The following MBD5 variants were observed in gnomAD, a reference collection of about 807,000 sequenced individuals.
MBD5 encodes the protein methyl-CpG-binding domain protein 5.
Under a neutral mutation model 117.3 loss-of-function variants are expected in MBD5, and 13 were observed. That is an observed-to-expected ratio of 0.11 (90% CI 0.07 to 0.18). The LOEUF (loss-of-function observed/expected upper bound fraction) is 0.18, where lower values mean the gene tolerates loss of function less well. Ranked by LOEUF, MBD5 falls within the 10% of genes least tolerant of loss-of-function variation. The pLI, the probability that MBD5 is intolerant of heterozygous loss-of-function variation, is 1.00. For missense variants in MBD5, 1,879 were observed against 2,093.8 expected (o/e 0.90, Z 2.00); for synonymous variants, 727 against 766.4 (o/e 0.95, Z 0.85).
At chr2:148,356,205 C>G (rs1169467304) in intron 4 of MBD5, among the ~76,000 whole-genome samples, 4 of 152,082 alleles carry the variant, frequency 2.6e-5, no homozygotes, top group South Asian at 2.1e-4. Context: ...TTCCCTCTAC[C>G]TGCAACATAA....
Position 148,458,714 on chromosome 2 carries a change from A to G in MBD5, c.-45A>G. On this transcript the variant is annotated 5_prime_UTR_variant, in exon 5 of 14. Transcript: ENST00000642680. Reference sequence around the variant, plus strand: ...TCATGCTCTGTAATATAAGGATATCATCTTATTGCTGATATCTTTGGAGAG... The same window carrying G: ...TCATGCTCTGTAATATAAGGATATCGTCTTATTGCTGATATCTTTGGAGAG... 6.6e-7 allele frequency: 1 copy of G among 1,509,664 alleles called. No individual in the cohort carries two copies. Among genetic ancestry groups the G allele is most frequent in the African/African-American group, 1.4e-5 (1 of 72,980 alleles). 93.5% of individuals were successfully genotyped at this position (1,509,664 alleles called of 1,614,324 possible).
At chr2:148,124,238 C>A (rs1696835319) in intron 1 of MBD5, among the ~76,000 whole-genome samples, 1 of 152,132 alleles carries the variant, frequency 6.6e-6, no homozygotes, top group African/African-American at 2.4e-5. Context: ...CAAGATCGCC[C>A]ACTGCACTCC....
intron 4 of MBD5, among the ~76,000 whole-genome samples, chr2:148,419,155 G>A (rs1040786896): frequency 8.5e-5 from 13 of 152,110 alleles, no homozygotes; most frequent in African/African-American, 3.1e-4. Context: ...AATAAATGGT[G>A]CTGGGAAAAT....
intron 3 of MBD5, among the ~76,000 whole-genome samples, chr2:148,337,106 C>T (rs1174943531): frequency 1.3e-5 from 2 of 152,166 alleles, no homozygotes; most frequent in Non-Finnish European, 2.9e-5. Context: ...TCCCAACTAC[C>T]TTTCTTAGCC....
intron 4 of MBD5, among the ~76,000 whole-genome samples, chr2:148,407,225 A>C (rs928345963): frequency 1.3e-5 from 2 of 152,332 alleles, no homozygotes; most frequent in African/African-American, 4.8e-5. Context: ...TTGTCTCATA[A>C]CATGCATTTT....
At position 148,153,673 on chromosome 2, in the gene MBD5, G is replaced by A. The variant is rs1271030221; in HGVS notation, c.-924-25027G>A. Among the ~76,000 whole-genome samples, 744 of 135,472 alleles carry A rather than the reference G, an allele frequency of 5.5e-3. 8 individuals carry two copies. Among genetic ancestry groups the A allele is most frequent in the African/African-American group, 0.019 (693 of 35,850 alleles). 88.9% of individuals were successfully genotyped at this position (135,472 alleles called of 152,430 possible). A position where few individuals can be genotyped will look rare whatever the true frequency, so the allele number is the denominator to read the frequency against. ...CTTTTTTCTCTAAACTTCCCTTCTC[G>A]CTTCATTTCATTCATTTCATCTTCC... On this transcript the variant is annotated intron_variant, in intron 1 of 13. Coordinates refer to ENST00000642680, the MANE Select transcript of MBD5 (RefSeq NM_001378120.1).
At chr2:148,392,735 C>T (rs1704602744) in intron 4 of MBD5, among the ~76,000 whole-genome samples, 1 of 152,200 alleles carries the variant, frequency 6.6e-6, no homozygotes, top group Non-Finnish European at 1.5e-5. Flanking sequence ...ATCTAAGGAA[C>T]TTCTCTTCAT....
Position 148,514,029 on chromosome 2 carries a change from T to C in MBD5, c.*1088T>C, listed in dbSNP as rs1339302848. Reference sequence around the variant, plus strand: ...ATGAATCATCAAAGCAAGTTTCATATCCATTCATCAGTATTACTTAACCCA... The same window carrying C: ...ATGAATCATCAAAGCAAGTTTCATACCCATTCATCAGTATTACTTAACCCA... On this transcript the variant is annotated 3_prime_UTR_variant, in exon 14 of 14. Transcript: ENST00000642680. 1 of 152,210 alleles carries C rather than the reference T, an allele frequency of 6.6e-6. No individual in the cohort carries two copies. The highest frequency in any genetic ancestry group is 6.5e-5 in the Admixed American group (1 of 15,278). 9.4% of individuals were successfully genotyped at this position (152,210 alleles called of 1,614,324 possible). A position where few individuals can be genotyped will look rare whatever the true frequency, so the allele number is the denominator to read the frequency against.
intron 2 of MBD5, among the ~76,000 whole-genome samples, chr2:148,231,995 G>T (rs34036000): frequency 0.031 from 4,694 of 152,270 alleles, 107 homozygotes; most frequent in Non-Finnish European, 0.041. Flanking sequence ...TCTCTGGGAA[G>T]TGATATTTGA....
intron 1 of MBD5, among the ~76,000 whole-genome samples, chr2:148,162,506 G>A (rs1311457713): frequency 6.6e-6 from 1 of 152,054 alleles, no homozygotes; most frequent in East Asian, 1.9e-4. Flanking sequence ...TTGCTGTAAG[G>A]GTGATCTGTT....
chr2:148,044,514 G>A (rs2105709025), intron 1 of MBD5: 1 of 152,304 alleles, frequency 6.6e-6, no homozygotes, highest in African/African-American at 2.4e-5. Flanking sequence ...GTTGTTGGGA[G>A]TCACGGGAGA....
At chr2:148,339,006 T>C (rs1465304721) in intron 3 of MBD5, among the ~76,000 whole-genome samples, 1 of 152,022 alleles carries the variant, frequency 6.6e-6, no homozygotes, top group Non-Finnish European at 1.5e-5. Context: ...CGTGACAACG[T>C]GGAGAGAAGC....
intron 1 of MBD5, among the ~76,000 whole-genome samples, chr2:148,137,123 T>G (rs1469556359): frequency 6.6e-6 from 1 of 152,130 alleles, no homozygotes; most frequent in Non-Finnish European, 1.5e-5. Flanking sequence ...CTCTTCTTAA[T>G]TTCCTTTATA....
chr2:148,064,774 A>G (rs1308046817), intron 1 of MBD5, among the ~76,000 whole-genome samples: 3 of 151,898 alleles, frequency 2.0e-5, no homozygotes, highest in Non-Finnish European at 2.9e-5. Flanking sequence ...CTTCCCCTTC[A>G]TTGTTTCTTA....
chr2:148,109,823 A>G (rs1039825265), intron 1 of MBD5, among the ~76,000 whole-genome samples: 1 of 152,200 alleles, frequency 6.6e-6, no homozygotes. Context: ...GAACATTATT[A>G]AAAATAGATA....
intron 4 of MBD5, among the ~76,000 whole-genome samples, chr2:148,386,372 A>C: frequency 6.6e-6 from 1 of 152,208 alleles, no homozygotes; most frequent in Admixed American, 6.5e-5. Flanking sequence ...AAGTGATATG[A>C]TTAAAAAAGG....
chr2:148,307,258 C>T (rs1701916168), intron 3 of MBD5, among the ~76,000 whole-genome samples: 1 of 151,758 alleles, frequency 6.6e-6, no homozygotes, highest in East Asian at 1.9e-4. Context: ...AACAAACAGA[C>T]TAGAAAACTT....
In MBD5 at chr2:148,055,503, G is replaced by T. The variant is rs558335112; in HGVS notation, c.-925+33819G>T. 2.0e-5 allele frequency: 3 copies of T among 150,186 alleles called. No homozygotes were observed. In the Admixed American group the frequency reaches 2.0e-4, roughly 10 times the overall value. 9.3% of individuals were successfully genotyped at this position (150,186 alleles called of 1,614,324 possible). A position where few individuals can be genotyped will look rare whatever the true frequency, so the allele number is the denominator to read the frequency against. ...AGTGCAGGAGTGCAGTGGTGCCATC[G>T]CTCCCTGCAACCTCCGCCTCCCGGG... On this transcript the variant is annotated intron_variant, in intron 1 of 13. Transcript: ENST00000642680.
chr2:148,148,520 G>A (rs999909735), intron 1 of MBD5, among the ~76,000 whole-genome samples: 1 of 152,202 alleles, frequency 6.6e-6, no homozygotes, highest in Non-Finnish European at 1.5e-5. Context: ...TTTTGACAAT[G>A]TTTGCCAGTG....
Sources: gnomAD v4.1 joint callset for allele counts (sites outside exome capture counted in the v4.1 genomes callset) on GRCh38, gnomAD v4.1.1 for gene constraint, MANE v1.5 for transcripts, NCBI Gene and HGNC (gene_info 2026-07-23, HGNC 2026-07-21) for gene names.